GSG1L: variants seen among roughly 807,000 people sequenced by gnomAD.
GSG1L encodes the protein GSG1 like, also known as germ cell-specific gene 1-like protein.
A neutral mutation model predicts 42.1 loss-of-function variants in GSG1L; 24 were observed. The ratio of observed to expected loss-of-function variants is 0.57; its 90% CI spans 0.41 to 0.80. The LOEUF is 0.80. GSG1L is among the 30% of genes least tolerant of loss of function. The pLI, the probability that GSG1L is intolerant of heterozygous loss-of-function variation, is 0.00. For missense variants in GSG1L, 445 were observed against 472.2 expected, an observed-to-expected ratio of 0.94 and a Z score of 0.53; for synonymous variants, 215 against 203.5, an observed-to-expected ratio of 1.06 and a Z score of -0.48.
chr16:27,865,552 T>C (rs1294368360), intron 3 of GSG1L, among the ~76,000 whole-genome samples: 14 of 42,728 alleles, frequency 3.3e-4, no homozygotes, highest in South Asian at 2.0e-3. Flanking sequence ...TATATATATA[T>C]ATATATATAT....
rs1036500508 is a variant in GSG1L, at chr16:28,059,861, G to A, written c.349+3215C>T. Among the ~76,000 whole-genome samples the A allele has an allele frequency of 1.3e-5, 2 of 152,204 alleles. No individual in the cohort carries two copies. Among genetic ancestry groups the A allele is most frequent in the African/African-American group, 4.8e-5 (2 of 41,450 alleles). ...TTTCTTTGTGCAGGGTCTGGTGAAA[G>A]TGTGTCTGTTTAGGGCAGGCTGCAG... On this transcript the variant is annotated intron_variant, in intron 1 of 6. Coordinates refer to ENST00000447459, the MANE Select transcript of GSG1L (RefSeq NM_001109763.2). The surrounding 1 kb of genome is among the most constrained non-coding windows in gnomAD (Gnocchi z 4.4).
chr16:28,031,450 A>G (rs977645963), intron 1 of GSG1L, among the ~76,000 whole-genome samples: 1 of 151,682 alleles, frequency 6.6e-6, no homozygotes, highest in African/African-American at 2.4e-5. Flanking sequence ...ATGGGATGGG[A>G]TGGGAATGGA....
At chr16:28,017,434 G>A (rs749948279) in intron 1 of GSG1L, among the ~76,000 whole-genome samples, 4 of 152,204 alleles carry the variant, frequency 2.6e-5, no homozygotes, top group Admixed American at 6.5e-5. Context: ...AAAGTAATAC[G>A]TCTTTCCCTG....
At chr16:27,949,744 T>C in intron 2 of GSG1L, among the ~76,000 whole-genome samples, 1 of 151,942 alleles carries the variant, frequency 6.6e-6, no homozygotes, top group East Asian at 1.9e-4. Flanking sequence ...GCTAACACGA[T>C]GAAACCCCGT....
intron 3 of GSG1L, among the ~76,000 whole-genome samples, chr16:27,871,457 C>T (rs1250178301): frequency 6.6e-6 from 1 of 152,104 alleles, no homozygotes; most frequent in African/African-American, 2.4e-5. Flanking sequence ...GCCTGGGCAA[C>T]ATGACGAAAC....
chr16:27,858,812 C>T (rs1047864037), intron 3 of GSG1L, among the ~76,000 whole-genome samples: 1 of 152,112 alleles, frequency 6.6e-6, no homozygotes, highest in African/African-American at 2.4e-5. Context: ...AATAAAAATA[C>T]CTTTTGAAGT....
chr16:27,925,363 T>C (rs2084578431), intron 2 of GSG1L, among the ~76,000 whole-genome samples: 1 of 151,736 alleles, frequency 6.6e-6, no homozygotes, highest in African/African-American at 2.4e-5. Context: ...AGAATGAGTG[T>C]CCCCGGAAGG....
At chr16:27,822,957 GT>G in intron 5 of GSG1L, among the ~76,000 whole-genome samples, 1 of 152,246 alleles carries the variant, frequency 6.6e-6, no homozygotes, top group Middle Eastern at 3.4e-3. Flanking sequence ...GGGGGCTTCC[GT>G]CCCCCACACA....
chr16:27,915,209 A>AC (rs1287779367), intron 2 of GSG1L, among the ~76,000 whole-genome samples: 1 of 138,360 alleles, frequency 7.2e-6, no homozygotes, highest in Non-Finnish European at 1.5e-5. Flanking sequence ...ACACACACAC[A>AC]CACACACACA....
chr16:27,876,631 CA>C (rs1223227601), intron 3 of GSG1L, among the ~76,000 whole-genome samples: 1 of 152,202 alleles, frequency 6.6e-6, no homozygotes, highest in Admixed American at 6.5e-5. Flanking sequence ...TGCCTGCTCA[CA>C]ACCTAGTTCC....
At chr16:27,870,527 C>A (rs1268234875) in intron 3 of GSG1L, among the ~76,000 whole-genome samples, 1 of 151,374 alleles carries the variant, frequency 6.6e-6, no homozygotes, top group Admixed American at 6.6e-5. Context: ...TCCTCTGCCT[C>A]CCATCTCCTG....
At chr16:27,929,800 AC>A (rs1180260968) in intron 2 of GSG1L, among the ~76,000 whole-genome samples, 1 of 152,004 alleles carries the variant, frequency 6.6e-6, no homozygotes, top group Non-Finnish European at 1.5e-5. Flanking sequence ...CACTCCACAT[AC>A]CCCAGGCCAA....
At chr16:28,012,165 G>A (rs2085727563) in intron 1 of GSG1L, among the ~76,000 whole-genome samples, 1 of 152,210 alleles carries the variant, frequency 6.6e-6, no homozygotes, top group Non-Finnish European at 1.5e-5. Context: ...CACGGTTTCT[G>A]AGCCCCCAAG....
chr16:27,828,510 T>C lies in GSG1L; in HGVS notation c.830+279A>G, dbSNP rs115300839. Among the ~76,000 whole-genome samples the C allele has an allele frequency of 7.4e-3, 1,130 of 152,336 alleles. 13 individuals carry two copies. Among genetic ancestry groups the C allele is most frequent in the African/African-American group, 0.025 (1,047 of 41,566 alleles). ...CTCTTTATCATGGTTCCAAGAAGCA[T>C]AGGACCTAATGGTAAATGCTCAAAC... On this transcript the variant is annotated intron_variant, in intron 5 of 6. Transcript: ENST00000447459.
At chr16:27,827,288 C>T (rs776960372) in intron 5 of GSG1L, among the ~76,000 whole-genome samples, 3 of 152,156 alleles carry the variant, frequency 2.0e-5, no homozygotes, top group Admixed American at 6.5e-5. Flanking sequence ...CAGGCCAGAT[C>T]GGCCATTCGC....
chr16:28,039,614 C>T (rs2086082885), intron 1 of GSG1L, among the ~76,000 whole-genome samples: 1 of 151,984 alleles, frequency 6.6e-6, no homozygotes, highest in Non-Finnish European at 1.5e-5. Context: ...CACACACACA[C>T]ACAAGCAGAC....
chr16:27,877,509 A>G (rs1285278792), intron 3 of GSG1L, among the ~76,000 whole-genome samples: 1 of 152,182 alleles, frequency 6.6e-6, no homozygotes, highest in Non-Finnish European at 1.5e-5. Context: ...CCCTAGCAGT[A>G]TCGTGAGCTC....
chr16:27,909,061 C>A (rs2084351233), intron 2 of GSG1L, among the ~76,000 whole-genome samples: 1 of 152,150 alleles, frequency 6.6e-6, no homozygotes, highest in South Asian at 2.1e-4. Flanking sequence ...CATTTCTAAA[C>A]CTGAGTTTCC....
Position 28,063,202 on chromosome 16 carries a change from T to TGGCGGCGGC in GSG1L, c.214_222dup (p.Ala72_Ala74dup), listed in dbSNP as rs746146565. On this transcript the variant is annotated inframe_insertion, in exon 1 of 7. Coordinates refer to ENST00000447459, the MANE Select transcript of GSG1L (RefSeq NM_001109763.2). The surrounding 1 kb of genome is among the most constrained non-coding windows in gnomAD (Gnocchi z 5.8). The stretch of plus-strand genomic sequence containing the variant: ...CCAGGGGGGCCGTTCCCCGAGGCGG[T>TGGCGGCGGC]GGCGGCGGCGGCGGCGGCGGCGGGG... 6.0e-5 allele frequency: 77 copies of TGGCGGCGGC among 1,281,998 alleles called. No individual in the cohort carries two copies. In the East Asian group the frequency reaches 7.5e-4, roughly 13 times the overall value. 79.4% of individuals were successfully genotyped at this position (1,281,998 alleles called of 1,614,324 possible).
Sources: allele counts gnomAD v4.1 joint callset (sites outside exome capture counted in the v4.1 genomes callset), GRCh38; gene constraint gnomAD v4.1.1; non-coding constraint Gnocchi (gnomAD v3.1); transcripts MANE v1.5; gene names NCBI Gene and HGNC (gene_info 2026-07-23, HGNC 2026-07-21).